CENPP: variants seen among roughly 807,000 people sequenced by gnomAD.
The protein encoded by CENPP is centromere protein P.
In CENPP, 24 loss-of-function variants were observed where a neutral mutation model predicts 35.6. The observed-to-expected ratio is 0.67, with a 90% confidence interval of 0.49 to 0.95. The LOEUF is 0.95. CENPP is among the 40% of genes least tolerant of loss of function. The pLI is 0.00. For synonymous variants in CENPP, 120 were observed against 125.5 expected, an observed-to-expected ratio of 0.96 and a Z score of 0.29; for missense variants, 332 against 345.3, an observed-to-expected ratio of 0.96 and a Z score of 0.31.
At chr9:92,386,081 A>G in intron 5 of CENPP, 3 of 720,230 alleles carry the variant, frequency 4.2e-6, no homozygotes, top group East Asian at 2.6e-5. Context: ...ACATTTAGCT[A>G]TCACGCTACT....
intron 5 of CENPP, chr9:92,505,596 G>T: frequency 6.2e-7 from 1 of 1,610,848 alleles, no homozygotes; most frequent in Non-Finnish European, 8.5e-7. Context: ...GACGCAAGTA[G>T]GCTAGGCTCT....
intron 5 of CENPP, among the ~76,000 whole-genome samples, chr9:92,413,607 A>G (rs1403725217): frequency 6.6e-6 from 1 of 152,216 alleles, no homozygotes; most frequent in African/African-American, 2.4e-5. Flanking sequence ...ATTGCAAGAA[A>G]AGGGAGGTGG....
chr9:92,459,879 T>C (rs551821367), intron 5 of CENPP: 4 of 880,932 alleles, frequency 4.5e-6, no homozygotes, highest in African/African-American at 3.4e-5. Flanking sequence ...TATTTATATA[T>C]ATGTTCAAAG....
Position 92,350,733 on chromosome 9 carries a change from C to T in CENPP, c.467+4946C>T, listed in dbSNP as rs182409992. Among the ~76,000 whole-genome samples the T allele has an allele frequency of 7.2e-5, 11 of 152,318 alleles. No individual in the cohort carries two copies. In the South Asian group the frequency reaches 1.7e-3, roughly 23 times the overall value. On this transcript the variant is annotated intron_variant, in intron 4 of 7. Coordinates refer to ENST00000375587, the MANE Select transcript of CENPP (RefSeq NM_001012267.3). Reference sequence around the variant, plus strand: ...ATTTTTAAAATAGTTATTAGACTGACTTTTAACACATAATCTCCAGTGTTC... The same window carrying T: ...ATTTTTAAAATAGTTATTAGACTGATTTTTAACACATAATCTCCAGTGTTC...
intron 3 of CENPP, among the ~76,000 whole-genome samples, chr9:92,343,785 A>G (rs564497676): frequency 6.6e-5 from 10 of 152,010 alleles, no homozygotes; most frequent in African/African-American, 1.9e-4. Flanking sequence ...GTCTCTAAAA[A>G]ATATATATTT....
chr9:92,428,444 T>C (rs1844023269), intron 5 of CENPP, among the ~76,000 whole-genome samples: 1 of 152,182 alleles, frequency 6.6e-6, no homozygotes, highest in Non-Finnish European at 1.5e-5. Flanking sequence ...TTTAAACAAG[T>C]GTCCCAGGTC....
chr9:92,422,644 G>A (rs181479089), intron 5 of CENPP, among the ~76,000 whole-genome samples: 59 of 152,154 alleles, frequency 3.9e-4, no homozygotes, highest in Non-Finnish European at 7.4e-5. Context: ...CTCCCTCCAC[G>A]TTCCTAACCA....
chr9:92,565,978 T>C (rs1431932197), intron 5 of CENPP, among the ~76,000 whole-genome samples: 1 of 152,170 alleles, frequency 6.6e-6, no homozygotes, highest in African/African-American at 2.4e-5. Flanking sequence ...TAGATTCAAA[T>C]GTCCAATTTT....
chr9:92,329,222 T>C (rs1840662194), intron 1 of CENPP, among the ~76,000 whole-genome samples: 1 of 148,304 alleles, frequency 6.7e-6, no homozygotes, highest in East Asian at 2.0e-4. Flanking sequence ...TTCGCTCTTG[T>C]CGCCCAGGCT....
At chr9:92,402,776 AT>A (rs1260263272) in intron 5 of CENPP, among the ~76,000 whole-genome samples, 1 of 152,204 alleles carries the variant, frequency 6.6e-6, no homozygotes, top group African/African-American at 2.4e-5. Flanking sequence ...GTGGAATGCT[AT>A]TGATATCAAA....
intron 5 of CENPP, chr9:92,517,461 T>G (rs1206341631): frequency 1.6e-5 from 10 of 622,992 alleles, no homozygotes; most frequent in Non-Finnish European, 2.2e-5. Context: ...CTCATCCAAG[T>G]TTACTGAATC....
intron 5 of CENPP, among the ~76,000 whole-genome samples, chr9:92,546,210 C>G (rs1035167335): frequency 6.6e-6 from 1 of 152,180 alleles, no homozygotes; most frequent in African/African-American, 2.4e-5. Context: ...ACGGACCAAT[C>G]AGCTCTCTGT....
At chr9:92,403,869 G>A (rs1267658197) in intron 5 of CENPP, 2 of 202,430 alleles carry the variant, frequency 9.9e-6, no homozygotes, top group Non-Finnish European at 1.7e-5. Flanking sequence ...GATTTATATT[G>A]GTATGAACAG....
intron 5 of CENPP, among the ~76,000 whole-genome samples, chr9:92,440,653 A>G (rs1397724004): frequency 3.3e-5 from 5 of 152,210 alleles, no homozygotes; most frequent in Non-Finnish European, 5.9e-5. Context: ...AAACTAGTTT[A>G]GTTTCCTGTT....
intron 5 of CENPP, among the ~76,000 whole-genome samples, chr9:92,453,741 A>T (rs1016803114): frequency 5.9e-5 from 9 of 152,192 alleles, no homozygotes; most frequent in African/African-American, 1.4e-4. Context: ...CCAAGCGGCA[A>T]TTCTTTCAAA....
intron 5 of CENPP, chr9:92,385,510 A>C (rs1361769670): frequency 1.1e-6 from 1 of 932,236 alleles, no homozygotes; most frequent in East Asian, 2.5e-5. Flanking sequence ...AAATTCCTTC[A>C]AAATGAGATA....
Position 92,612,287 on chromosome 9 carries a change from C to G in CENPP, c.645-236C>G, listed in dbSNP as rs532297413. ...AGTTTCTGTTGCTCCATGTTCTGTA[C>G]TTCGCTGGTATTGGCCTACTAATGT... On this transcript the variant is annotated intron_variant, in intron 6 of 7. Transcript: ENST00000375587. Among the ~76,000 whole-genome samples the G allele has an allele frequency of 3.2e-4, 49 of 152,338 alleles. 1 individual carries two copies. The highest frequency in any genetic ancestry group is 1.9e-4 in the East Asian group (1 of 5,188).
At chr9:92,332,436 A>T in intron 2 of CENPP, 85 bp downstream of exon 2, 1 of 904,438 alleles carries the variant, frequency 1.1e-6, no homozygotes, top group South Asian at 2.3e-5. Flanking sequence ...ATTGAATTAA[A>T]ATTCTACAAG....
At chr9:92,478,764 A>G (rs1381920752) in intron 5 of CENPP, among the ~76,000 whole-genome samples, 1 of 152,088 alleles carries the variant, frequency 6.6e-6, no homozygotes, top group Non-Finnish European at 1.5e-5. Flanking sequence ...TTTTAGTTTA[A>G]GTTTTTTCCC....
Sources: allele counts gnomAD v4.1 joint callset (sites outside exome capture counted in the v4.1 genomes callset), GRCh38; gene constraint gnomAD v4.1.1; transcripts MANE v1.5; gene names NCBI Gene and HGNC (gene_info 2026-07-23, HGNC 2026-07-21).